The following RERE variants were observed in gnomAD, a reference collection of about 807,000 sequenced individuals.
RERE encodes the protein arginine-glutamic acid dipeptide repeats protein.
A neutral mutation model predicts 146.1 loss-of-function variants in RERE; 40 were observed. The observed-to-expected ratio is 0.27, with a 90% CI of 0.21 to 0.36. RERE has a LOEUF of 0.36. RERE is among the 10% of genes least tolerant of loss of function. The probability of loss-of-function intolerance (pLI) is 1.00; values close to 1 mark genes in which losing one functional copy is unlikely to be tolerated. For missense variants in RERE, 1,933 were observed against 2,138.7 expected (o/e 0.90, Z 1.90); for synonymous variants, 1,003 against 866.0 (o/e 1.16, Z -2.78).
At chr1:8,664,744 A>G (rs559333747) in intron 1 of RERE, among the ~76,000 whole-genome samples, 1 of 152,268 alleles carries the variant, frequency 6.6e-6, no homozygotes, top group South Asian at 2.1e-4. Context: ...TCTCAAACTT[A>G]TACCTCCAAA....
intron 7 of RERE, among the ~76,000 whole-genome samples, chr1:8,537,812 A>T (rs1318836715): frequency 1.3e-5 from 2 of 152,220 alleles, no homozygotes; most frequent in Admixed American, 6.5e-5. Context: ...AACAAAAAAA[A>T]TCAGATCCCT....
chr1:8,629,669 T>C (rs545107455), intron 2 of RERE, among the ~76,000 whole-genome samples: 2 of 151,984 alleles, frequency 1.3e-5, no homozygotes, highest in African/African-American at 2.4e-5. Flanking sequence ...CAGAGCAGAG[T>C]GGACACTTAC....
intron 4 of RERE, among the ~76,000 whole-genome samples, chr1:8,601,028 T>C (rs1646617120): frequency 6.8e-6 from 1 of 146,422 alleles, no homozygotes; most frequent in Non-Finnish European, 1.5e-5. Context: ...TTTTTTTTTT[T>C]TTTTTTTTTG....
intron 1 of RERE, among the ~76,000 whole-genome samples, chr1:8,774,704 G>T (rs979878670): frequency 8.2e-6 from 1 of 122,298 alleles, no homozygotes; most frequent in Non-Finnish European, 1.8e-5. Flanking sequence ...TTATTTCAAT[G>T]ACCTAAAAGA....
At chr1:8,597,261 A>G (rs1390440479) in intron 4 of RERE, among the ~76,000 whole-genome samples, 1 of 151,644 alleles carries the variant, frequency 6.6e-6, no homozygotes, top group African/African-American at 2.4e-5. Context: ...GCTAATTTTT[A>G]TATTATTTAT....
Position 8,786,413 on chromosome 1 carries a change from G to A in RERE, c.-145+30747C>T, listed in dbSNP as rs1393587635. ...ATGATGCCATATTTACCAAGAGATAGAGCAATCAAAGCGTTATCTGTCAAA... is the reference window on the plus strand; with the variant it reads ...ATGATGCCATATTTACCAAGAGATAAAGCAATCAAAGCGTTATCTGTCAAA... On this transcript the variant is annotated intron_variant, in intron 1 of 22. Coordinates refer to ENST00000400908, the MANE Select transcript of RERE (RefSeq NM_001042681.2). The A allele has an allele frequency of 5.7e-6, 5 of 871,232 alleles. No homozygotes were observed. The African/African-American group carries it at 8.2e-5, about 14-fold the overall frequency. The allele number at this position is 871,232 out of a possible 1,614,324, so 54.0% of individuals were successfully genotyped here.
intron 1 of RERE, among the ~76,000 whole-genome samples, chr1:8,662,467 G>C (rs571570197): frequency 1.4e-4 from 22 of 152,198 alleles, no homozygotes; most frequent in Non-Finnish European, 2.2e-4. Flanking sequence ...TTGAGGCAAG[G>C]AGGCAATCAT....
chr1:8,503,738 T>C (rs1474658762), intron 8 of RERE, among the ~76,000 whole-genome samples: 4 of 152,218 alleles, frequency 2.6e-5, no homozygotes, highest in African/African-American at 4.8e-5. Context: ...AATGCAACAA[T>C]TGAGCTGGTT....
At chr1:8,370,368 C>T (rs144904039) in intron 12 of RERE, among the ~76,000 whole-genome samples, 176 of 152,264 alleles carry the variant, frequency 1.2e-3, no homozygotes, top group Non-Finnish European at 1.8e-3. Context: ...CTCAGGTAAG[C>T]ACTCCAGGGT....
intron 11 of RERE, among the ~76,000 whole-genome samples, chr1:8,457,520 C>G (rs1644466190): frequency 6.6e-6 from 1 of 152,190 alleles, no homozygotes. Context: ...TAGGCTGGCA[C>G]TCTAGTGAAG....
At chr1:8,461,914 G>A (rs971637938) in intron 11 of RERE, among the ~76,000 whole-genome samples, 14 of 151,890 alleles carry the variant, frequency 9.2e-5, no homozygotes, top group African/African-American at 3.4e-4. Flanking sequence ...CCATGATCAC[G>A]GCTCACTGCA....
intron 12 of RERE, among the ~76,000 whole-genome samples, chr1:8,410,521 C>T (rs564072541): frequency 6.6e-6 from 1 of 152,226 alleles, no homozygotes; most frequent in South Asian, 2.1e-4. Flanking sequence ...AAAAGGAAGG[C>T]GGCCCGAAAA....
In RERE at chr1:8,769,518, C is replaced by T. The variant is rs193296814; in HGVS notation, c.-145+47642G>A. The stretch of plus-strand genomic sequence containing the variant: ...GTTTGGAGACAGGGTCTCAATCGCT[C>T]ACCCAGGGTGAGGTGCAGTGGCACA... On this transcript the variant is annotated intron_variant, in intron 1 of 22. Transcript: ENST00000400908. Among the ~76,000 whole-genome samples the T allele has an allele frequency of 9.8e-5, 15 of 152,292 alleles. No individual in the cohort carries two copies. The East Asian group carries it at 2.3e-3, about 24-fold the overall frequency.
At chr1:8,764,320 G>A (rs775150525) in intron 1 of RERE, among the ~76,000 whole-genome samples, 1 of 152,136 alleles carries the variant, frequency 6.6e-6, no homozygotes, top group Non-Finnish European at 1.5e-5. Flanking sequence ...AGGTGCCTTA[G>A]TGCCATCGGG....
intron 12 of RERE, among the ~76,000 whole-genome samples, chr1:8,386,008 ATATATATATATATATTTTTTTTTT>A (rs1447897867): frequency 2.7e-4 from 11 of 41,342 alleles, no homozygotes; most frequent in South Asian, 1.1e-3. Context: ...ATATATATAT[ATATATATATATATATTTTTTTTTT>A]TTTTTTTTTT....
intron 12 of RERE, among the ~76,000 whole-genome samples, chr1:8,418,755 T>G (rs1392555929): frequency 2.6e-5 from 4 of 152,248 alleles, no homozygotes; most frequent in Non-Finnish European, 5.9e-5. Context: ...TCCACGATTT[T>G]GTGTTATTCC....
intron 7 of RERE, among the ~76,000 whole-genome samples, chr1:8,535,339 G>A (rs891685726): frequency 1.2e-4 from 19 of 152,198 alleles, no homozygotes; most frequent in Admixed American, 7.2e-4. Flanking sequence ...TAGGAACACC[G>A]GCAAAATTTG....
rs1044171823 is a variant in RERE, at chr1:8,360,571, T to C, written c.2936A>G (p.His979Arg). Reference protein sequence around the residue: ...LKPLSSLSTHHPPSAHPPPLQ... With the variant: ...LKPLSSLSTHRPPSAHPPPLQ... Reference sequence around the variant, plus strand: ...GGGTGGGGGGTGAGCCGACGGGGGGTGATGTGTGGACAGGGAGCTCAGGGG... The same window carrying C: ...GGGTGGGGGGTGAGCCGACGGGGGGCGATGTGTGGACAGGGAGCTCAGGGG... Residue 979 changes from histidine to arginine, a missense_variant, in exon 18 of 23, where the codon CAC (histidine) becomes CGC (arginine). His to Arg is a conservative substitution (Grantham distance 29, BLOSUM62 0). This residue lies in a region of RERE where 1,255 missense variants were observed against 1,153.8 expected (regional missense o/e 1.09). Coordinates refer to ENST00000400908, the MANE Select transcript of RERE (RefSeq NM_001042681.2). The C allele has an allele frequency of 1.3e-6, 1 of 747,376 alleles. No individual in the cohort carries two copies. The highest frequency in any genetic ancestry group is 1.7e-6 in the Non-Finnish European group (1 of 581,036). The allele number at this position is 747,376 out of a possible 1,614,324, so 46.3% of individuals were successfully genotyped here.
At chr1:8,603,684 T>C (rs1646661379) in intron 4 of RERE, among the ~76,000 whole-genome samples, 2 of 152,176 alleles carry the variant, frequency 1.3e-5, no homozygotes, top group African/African-American at 4.8e-5. Context: ...ACACAAAAAC[T>C]ATTTTTGAAG....
Sources: allele counts gnomAD v4.1 joint callset (sites outside exome capture counted in the v4.1 genomes callset), GRCh38; gene constraint gnomAD v4.1.1; regional missense constraint gnomAD v4.1.1; transcripts MANE v1.5; gene names NCBI Gene and HGNC (gene_info 2026-07-23, HGNC 2026-07-21).